PCDHGA1: variants seen among roughly 807,000 people sequenced by gnomAD.
The protein encoded by PCDHGA1 is protocadherin gamma subfamily A, 1, also known as protocadherin gamma-A1.
In PCDHGA1, 32 loss-of-function variants were observed where a neutral mutation model predicts 58.0. The ratio of observed to expected loss-of-function variants is 0.55; its 90% CI spans 0.42 to 0.74. The LOEUF (loss-of-function observed/expected upper bound fraction) is 0.74, where lower values mean the gene tolerates loss of function less well. PCDHGA1 is among the 30% of genes least tolerant of loss of function. The probability of loss-of-function intolerance (pLI) is 0.00; values close to 1 mark genes in which losing one functional copy is unlikely to be tolerated. For missense variants in PCDHGA1, 1,205 were observed against 1,182.3 expected (o/e 1.02, Z -0.28); for synonymous variants, 498 against 501.1 (o/e 0.99, Z 0.08).
At chr5:141,376,589 C>T (rs774042696) in intron 1 of PCDHGA1, 3 of 1,568,090 alleles carry the variant, frequency 1.9e-6, no homozygotes, top group Non-Finnish European at 2.6e-6. Context: ...TCAGCTAGAT[C>T]GGCTGTTATA....
At position 141,400,548 on chromosome 5, in the gene PCDHGA1, T is replaced by G. The variant is rs551157559; in HGVS notation, c.2421+67443T>G. On this transcript the variant is annotated intron_variant, in intron 1 of 3. Transcript: ENST00000517417. ...TGGTGAGTTTCATTTATGTCTATTC[T>G]TTTTCATTACCCACCCAATTTTCTG... is the stretch of plus-strand genomic sequence containing the variant. 3.3e-4 allele frequency: 529 copies of G among 1,613,654 alleles called. 1 individual carries two copies. In the South Asian group the frequency reaches 4.9e-3, roughly 15 times the overall value.
chr5:141,361,440 C>T, intron 1 of PCDHGA1: 1 of 1,614,042 alleles, frequency 6.2e-7, no homozygotes, highest in South Asian at 1.1e-5. Context: ...TCTCCTCCAG[C>T]ATAATTGTCA....
chr5:141,384,219 G>A lies in PCDHGA1; in HGVS notation c.2421+51114G>A, dbSNP rs1283583728. The A allele has an allele frequency of 2.5e-6, 4 of 1,613,744 alleles. No individual in the cohort carries two copies. The East Asian group carries it at 8.9e-5, about 36-fold the overall frequency. On this transcript the variant is annotated intron_variant, in intron 1 of 3. Coordinates refer to ENST00000517417, the MANE Select transcript of PCDHGA1 (RefSeq NM_018912.3). ...TGTCCAGGGAAACTCACATATTCAT[G>A]CAGGTGGCAGACACCAACGATAACC... is the stretch of plus-strand genomic sequence containing the variant.
At chr5:141,371,572 A>C (rs913644689) in intron 1 of PCDHGA1, 1 of 1,613,960 alleles carries the variant, frequency 6.2e-7, no homozygotes, top group Middle Eastern at 1.6e-4. Context: ...TTCCCCTTTA[A>C]AATCGTTCAA....
At chr5:141,471,965 G>A (rs919560714) in intron 1 of PCDHGA1, among the ~76,000 whole-genome samples, 4 of 152,160 alleles carry the variant, frequency 2.6e-5, no homozygotes, top group Non-Finnish European at 4.4e-5. Context: ...GGGGTTGGTT[G>A]CATTACTGTA....
At chr5:141,388,201 T>C (rs780011607) in intron 1 of PCDHGA1, 1 of 1,573,864 alleles carries the variant, frequency 6.4e-7, no homozygotes, top group Non-Finnish European at 8.7e-7. Context: ...GCTCTGGAAT[T>C]TGAGGCTGTT....
At chr5:141,401,667 C>T (rs539975682) in intron 1 of PCDHGA1, among the ~76,000 whole-genome samples, 1 of 152,340 alleles carries the variant, frequency 6.6e-6, no homozygotes, top group South Asian at 2.1e-4. Context: ...GTTTTCTCAA[C>T]ATCCTTGTAG....
In PCDHGA1 at chr5:141,493,211, G is replaced by C. The variant is rs1312763933; in HGVS notation, c.2422-1596G>C. Reference sequence around the variant, plus strand: ...CTCCTTTGAGAACCTCATCTCATTTGCTCTTCCCACCATTGCTGTTGGCTA... The same window carrying C: ...CTCCTTTGAGAACCTCATCTCATTTCCTCTTCCCACCATTGCTGTTGGCTA... On this transcript the variant is annotated intron_variant, in intron 1 of 3. Transcript: ENST00000517417. The surrounding 1 kb of genome is among the most constrained non-coding windows in gnomAD (Gnocchi z 4.3). 6.6e-6 allele frequency among the ~76,000 whole-genome samples: 1 copy of C among 152,180 alleles called. No individual in the cohort carries two copies. The highest frequency in any genetic ancestry group is 2.4e-5 in the African/African-American group (1 of 41,436).
At chr5:141,439,737 A>T (rs947754447) in intron 1 of PCDHGA1, 4 of 152,382 alleles carry the variant, frequency 2.6e-5, no homozygotes, top group Non-Finnish European at 5.9e-5. Flanking sequence ...CAGGAACGGA[A>T]CGGATTTACA....
At chr5:141,375,928 A>G (rs3749773) in intron 1 of PCDHGA1, 89,673 of 1,613,560 alleles carry the variant, frequency 0.056, 2,973 homozygotes, top group African/African-American at 0.14. Context: ...GCGAGCCAGG[A>G]CTTTTCTCAG....
At position 141,330,654 on chromosome 5, in the gene PCDHGA1, G is replaced by A; in HGVS notation, c.-31G>A. ...AGCAGAAACGATACCCTTGGTACTGGACTGGAAGAAAACTACGAAGTGAGA... is the reference window on the plus strand; with the variant it reads ...AGCAGAAACGATACCCTTGGTACTGAACTGGAAGAAAACTACGAAGTGAGA... On this transcript the variant is annotated 5_prime_UTR_variant, in exon 1 of 4. Transcript: ENST00000517417. 1 of 1,575,664 alleles carries A rather than the reference G, an allele frequency of 6.3e-7. No individual in the cohort carries two copies. Among genetic ancestry groups the A allele is most frequent in the South Asian group, 1.2e-5 (1 of 84,686 alleles).
chr5:141,399,097 G>GT (rs1217179640), intron 1 of PCDHGA1: 2 of 1,613,816 alleles, frequency 1.2e-6, no homozygotes, highest in Admixed American at 3.3e-5. Flanking sequence ...TGGTGGACTG[G>GT]TTGCACAATG....
chr5:141,428,266 G>A (rs764763674), intron 1 of PCDHGA1: 1 of 810,620 alleles, frequency 1.2e-6, no homozygotes. Context: ...TGACAGTCCT[G>A]TGCCCTCTGA....
intron 1 of PCDHGA1, chr5:141,351,542 C>T (rs1758747155): frequency 1.2e-6 from 2 of 1,613,944 alleles, no homozygotes; most frequent in South Asian, 1.1e-5. Flanking sequence ...CAAACCAGCC[C>T]TTTCCTCCAG....
chr5:141,416,819 G>A (rs952251457), intron 1 of PCDHGA1: 5 of 151,982 alleles, frequency 3.3e-5, no homozygotes, highest in African/African-American at 9.7e-5. Flanking sequence ...AAAGCATTCC[G>A]AAGTTTCTCA....
rs11575965 is a variant in PCDHGA1 at position 141,430,679 on chromosome 5, T to C, written c.2422-64128T>C. 6,478 of 1,333,262 alleles carry C rather than the reference T, an allele frequency of 4.9e-3. 34 individuals carry two copies. Among genetic ancestry groups the C allele is most frequent in the Admixed American group, 9.3e-3 (354 of 37,978 alleles). 82.6% of individuals were successfully genotyped at this position (1,333,262 alleles called of 1,614,324 possible). ...CGGAGGAGCTCTGACTTCCCAACTG[T>C]CCCATTCTATGGGCGAAGGAACTGC... On this transcript the variant is annotated intron_variant, in intron 1 of 3. Coordinates refer to ENST00000517417, the MANE Select transcript of PCDHGA1 (RefSeq NM_018912.3).
chr5:141,478,392 A>T, intron 1 of PCDHGA1: 1 of 1,613,560 alleles, frequency 6.2e-7, no homozygotes, highest in East Asian at 2.2e-5. Flanking sequence ...CTTTACCATC[A>T]GGTGTATCTC....
chr5:141,359,914 T>C, intron 1 of PCDHGA1: 1 of 433,842 alleles, frequency 2.3e-6, no homozygotes. Context: ...TTAGTGCAGT[T>C]TCCTGAGAAA....
chr5:141,346,361 G>A (rs755956350), intron 1 of PCDHGA1: 7 of 1,614,106 alleles, frequency 4.3e-6, no homozygotes, highest in East Asian at 2.2e-5. Flanking sequence ...CCAACTATGC[G>A]GACACGCTCA....
Sources: allele counts gnomAD v4.1 joint callset (sites outside exome capture counted in the v4.1 genomes callset), GRCh38; gene constraint gnomAD v4.1.1; non-coding constraint Gnocchi (gnomAD v3.1); transcripts MANE v1.5; gene names NCBI Gene and HGNC (gene_info 2026-07-23, HGNC 2026-07-21).